The following DHX36 variants were observed in gnomAD, a reference collection of about 807,000 sequenced individuals.
DHX36 encodes the protein ATP-dependent DNA/RNA helicase DHX36.
In DHX36, 50 loss-of-function variants were observed where a neutral mutation model predicts 139.0. The ratio of observed to expected loss-of-function variants is 0.36; its 90% CI spans 0.29 to 0.46. The LOEUF is 0.46. DHX36 is among the 20% of genes least tolerant of loss of function. DHX36 has a pLI of 1.00. For missense variants in DHX36, 1,024 were observed against 1,211.3 expected (o/e 0.85, Z 2.29); for synonymous variants, 425 against 401.9 (o/e 1.06, Z -0.69).
rs1398242873 is a variant in DHX36 at position 154,280,851 on chromosome 3, G to T, written c.2388C>A (p.Asn796Lys). 6.2e-6 allele frequency: 10 copies of T among 1,612,944 alleles called. 1 individual carries two copies. In the Admixed American group the frequency reaches 1.7e-4, roughly 27 times the overall value. The change falls in exon 21 of 25, where the codon AAC (asparagine) becomes AAA (lysine). Residue 796 changes from asparagine to lysine, a missense_variant. This residue lies in a region of DHX36 where 470 missense variants were observed against 616.2 expected (regional missense o/e 0.76). Coordinates refer to ENST00000496811, the MANE Select transcript of DHX36 (RefSeq NM_020865.3). ...LSSNTLQMLH[N>K]MKGQFAEHLL... ...GATGCTCAGCAAACTGTCCTTTCAT[G>T]TTATGCAGCATCTAGGGAGCAATGG...
chr3:154,317,450 A>G (rs1303125503), intron 1 of DHX36, among the ~76,000 whole-genome samples: 4 of 152,062 alleles, frequency 2.6e-5, no homozygotes, highest in Non-Finnish European at 2.9e-5. Flanking sequence ...AAATAATACC[A>G]CCTCCAAAGA....
At chr3:154,296,180 A>G (rs1712038525) in intron 12 of DHX36, among the ~76,000 whole-genome samples, 2 of 152,188 alleles carry the variant, frequency 1.3e-5, no homozygotes, top group South Asian at 4.1e-4. Flanking sequence ...CTTGTTAAAA[A>G]TAATACATTC....
At chr3:154,293,306 A>G (rs1711896420) in intron 14 of DHX36, among the ~76,000 whole-genome samples, 1 of 152,210 alleles carries the variant, frequency 6.6e-6, no homozygotes, top group South Asian at 2.1e-4. Flanking sequence ...CTGGCCATGC[A>G]TGGTGGCTTA....
At chr3:154,281,209 T>C (rs1378721019) in intron 20 of DHX36, among the ~76,000 whole-genome samples, 3 of 152,230 alleles carry the variant, frequency 2.0e-5, no homozygotes, top group Non-Finnish European at 2.9e-5. Context: ...TGTTTAAGGA[T>C]TACTCTATTT....
intron 24 of DHX36, 74 bp downstream of exon 24, chr3:154,276,673 A>T: frequency 1.4e-6 from 2 of 1,418,062 alleles, no homozygotes; most frequent in Non-Finnish European, 2.0e-6. Flanking sequence ...AATCTATTTA[A>T]CAGTTAGAAC....
At chr3:154,300,377 T>G (rs1712220261) in intron 11 of DHX36, among the ~76,000 whole-genome samples, 1 of 152,212 alleles carries the variant, frequency 6.6e-6, no homozygotes, top group South Asian at 2.1e-4. Flanking sequence ...TAAGCTCACT[T>G]TTAAAAAATG....
intron 12 of DHX36, among the ~76,000 whole-genome samples, chr3:154,298,648 G>A (rs987906652): frequency 1.3e-5 from 2 of 152,134 alleles, no homozygotes; most frequent in African/African-American, 4.8e-5. Flanking sequence ...TGGGCGTGGT[G>A]GCTCATGCCT....
chr3:154,321,538 C>T (rs1306820534), intron 1 of DHX36, among the ~76,000 whole-genome samples: 1 of 152,174 alleles, frequency 6.6e-6, no homozygotes. Context: ...TCCAAACACA[C>T]CACAATCTCT....
intron 17 of DHX36, 84 bp from the exon 18 acceptor site, chr3:154,285,071 C>A (rs562686833): frequency 1.2e-3 from 1,568 of 1,325,376 alleles, no homozygotes; most frequent in Admixed American, 8.2e-3. Context: ...AAAAGAGTAA[C>A]AAGCCACTAC....
At position 154,316,096 on chromosome 3, in the gene DHX36, G is replaced by A. The variant is rs372294393; in HGVS notation, c.311C>T (p.Ala104Val). ...TGCTTCTGACTCTTTATCATTCTTC[G>A]CTTGAACAGAATTCAGTAACTGTAC... ...QIVQLLNSVQ[A>V]KNDKESEAQI... The change falls in exon 2 of 25, where the codon GCG becomes GTG. Residue 104 changes from alanine to valine, a missense_variant. Physicochemically the swap from Ala to Val is moderately conservative, Grantham distance 64. Coordinates refer to ENST00000496811, the MANE Select transcript of DHX36 (RefSeq NM_020865.3). 19 of 1,613,008 alleles carry A rather than the reference G, an allele frequency of 1.2e-5. No homozygotes were observed. Among genetic ancestry groups the A allele is most frequent in the Non-Finnish European group, 1.4e-5 (17 of 1,179,526 alleles).
intron 20 of DHX36, 28 bp downstream of exon 20, chr3:154,283,160 A>C: frequency 6.5e-7 from 1 of 1,533,230 alleles, no homozygotes; most frequent in South Asian, 1.1e-5. Flanking sequence ...AGCATATATG[A>C]TAATTACTGC....
At position 154,311,498 on chromosome 3, in the gene DHX36, A is replaced by G. The variant is rs892200068; in HGVS notation, c.642+138T>C. On this transcript the variant is annotated intron_variant, in intron 4 of 24. Transcript: ENST00000496811. Reference sequence around the variant, plus strand: ...TTTTTTTTCTTTTTGTCCTTAATTCAAAAGAATAAAATTAACTTCCAATAC... The same window carrying G: ...TTTTTTTTCTTTTTGTCCTTAATTCGAAAGAATAAAATTAACTTCCAATAC... 6.1e-6 allele frequency: 4 copies of G among 656,458 alleles called. 1 individual carries two copies. The highest frequency in any genetic ancestry group is 5.8e-5 in the African/African-American group (3 of 51,654). 40.7% of individuals were successfully genotyped at this position (656,458 alleles called of 1,614,324 possible).
chr3:154,310,348 A>C (rs1712682432), intron 4 of DHX36, among the ~76,000 whole-genome samples: 1 of 152,182 alleles, frequency 6.6e-6, no homozygotes, highest in Non-Finnish European at 1.5e-5. Context: ...TTTGGGTTTC[A>C]TTCTTCCTCA....
At position 154,275,355 on chromosome 3, in the gene DHX36, G is replaced by A. The variant is rs1300391248; in HGVS notation, c.*816C>T. 2 of 152,202 alleles carry A rather than the reference G, an allele frequency of 1.3e-5. No individual in the cohort carries two copies. The highest frequency in any genetic ancestry group is 1.3e-4 in the Admixed American group (2 of 15,288). 9.4% of individuals were successfully genotyped at this position (152,202 alleles called of 1,614,324 possible). A position where few individuals can be genotyped will look rare whatever the true frequency, so the allele number is the denominator to read the frequency against. On this transcript the variant is annotated 3_prime_UTR_variant, in exon 25 of 25. Coordinates refer to ENST00000496811, the MANE Select transcript of DHX36 (RefSeq NM_020865.3). ...AAGGAAAAAAGTCTGCACATGTTCA[G>A]TATAGACACAACCATCCTTTTTTTC...
At chr3:154,289,897 A>G in intron 15 of DHX36, 71 bp from the exon 16 acceptor site, 2 of 843,918 alleles carry the variant, frequency 2.4e-6, no homozygotes, top group African/African-American at 3.4e-5. Context: ...ACTGCAGAGA[A>G]AATACTAGGC....
chr3:154,276,076 T>C lies in DHX36; in HGVS notation c.*95A>G, dbSNP rs909240220. ...AAGGCTTCTACCTTACACATGAAAA[T>C]TGTTCATGTCCCAGGGTTTGGCATC... On this transcript the variant is annotated 3_prime_UTR_variant, in exon 25 of 25. Coordinates refer to ENST00000496811, the MANE Select transcript of DHX36 (RefSeq NM_020865.3). 2.5e-5 allele frequency: 31 copies of C among 1,220,370 alleles called. No individual in the cohort carries two copies. Among genetic ancestry groups the C allele is most frequent in the African/African-American group, 1.7e-4 (11 of 65,902 alleles). The allele number at this position is 1,220,370 out of a possible 1,614,324, so 75.6% of individuals were successfully genotyped here. A position where few individuals can be genotyped will look rare whatever the true frequency, so the allele number is the denominator to read the frequency against.
chr3:154,282,445 A>G (rs1342967879), intron 20 of DHX36, among the ~76,000 whole-genome samples: 1 of 151,436 alleles, frequency 6.6e-6, no homozygotes, highest in African/African-American at 2.4e-5. Context: ...TTTCTAACCT[A>G]TGTTTTGCTG....
At chr3:154,303,608 C>T (rs1022017524) in intron 8 of DHX36, among the ~76,000 whole-genome samples, 198 bp from the exon 9 acceptor site, 6 of 152,182 alleles carry the variant, frequency 3.9e-5, no homozygotes, top group Middle Eastern at 3.2e-3. Context: ...TACCATTTTA[C>T]TGCTACCAAA....
At chr3:154,291,092 G>A (rs183327161) in intron 15 of DHX36, among the ~76,000 whole-genome samples, 206 of 113,126 alleles carry the variant, frequency 1.8e-3, no homozygotes, top group African/African-American at 6.8e-3. Flanking sequence ...CCGAGATCCC[G>A]CCACTGCACT....
Sources: gnomAD v4.1 joint callset for allele counts (sites outside exome capture counted in the v4.1 genomes callset) on GRCh38, gnomAD v4.1.1 for gene constraint, gnomAD v4.1.1 regional missense constraint, MANE v1.5 for transcripts, NCBI Gene and HGNC (gene_info 2026-07-23, HGNC 2026-07-21) for gene names.